SORCS1: variants seen among roughly 807,000 people sequenced by gnomAD.
SORCS1 encodes the protein sortilin related VPS10 domain containing receptor 1, also known as VPS10 domain-containing receptor SorCS1.
In SORCS1, 60 loss-of-function variants were observed where a neutral mutation model predicts 146.1. The ratio of observed to expected loss-of-function variants is 0.41; its 90% confidence interval spans 0.33 to 0.51. The LOEUF (loss-of-function observed/expected upper bound fraction) is 0.51, where lower values mean the gene tolerates loss of function less well. SORCS1 is among the 20% of genes least tolerant of loss of function. SORCS1 has a pLI of 0.21. For missense variants in SORCS1, 1,352 were observed against 1,487.6 expected (o/e 0.91, Z 1.50); for synonymous variants, 637 against 584.0 (o/e 1.09, Z -1.31).
At chr10:107,123,990 G>A (rs1351744553) in intron 1 of SORCS1, among the ~76,000 whole-genome samples, 2 of 151,838 alleles carry the variant, frequency 1.3e-5, no homozygotes, top group African/African-American at 2.4e-5. Context: ...GGGAGGCTGA[G>A]GCAGGAGAAT....
intron 2 of SORCS1, among the ~76,000 whole-genome samples, chr10:106,849,842 G>A (rs1949471036): frequency 6.6e-6 from 1 of 151,960 alleles, no homozygotes; most frequent in African/African-American, 2.4e-5. Flanking sequence ...AGAATACCCT[G>A]CCCTGTGAGG....
intron 3 of SORCS1, among the ~76,000 whole-genome samples, chr10:106,777,705 T>C (rs17121492): frequency 0.047 from 7,158 of 152,258 alleles, 271 homozygotes; most frequent in East Asian, 0.11. Flanking sequence ...AGGAGCTGCC[T>C]TCGAAACTGC....
At chr10:106,955,763 G>A (rs551085807) in intron 2 of SORCS1, among the ~76,000 whole-genome samples, 60 of 152,056 alleles carry the variant, frequency 3.9e-4, no homozygotes, top group Admixed American at 2.1e-3. Context: ...GAGGCCAGCC[G>A]GCAGATCACC....
chr10:106,797,651 G>C (rs531665530), intron 3 of SORCS1, among the ~76,000 whole-genome samples: 3 of 152,188 alleles, frequency 2.0e-5, no homozygotes, highest in East Asian at 3.9e-4. Flanking sequence ...CACGCTTGGG[G>C]TAAAACATCA....
intron 3 of SORCS1, among the ~76,000 whole-genome samples, chr10:106,802,545 C>A (rs1946957082): frequency 6.6e-6 from 1 of 151,062 alleles, no homozygotes; most frequent in Admixed American, 6.6e-5. Flanking sequence ...TTTGCCCAGG[C>A]TGGAGTACAG....
At chr10:106,985,702 A>C (rs937292492) in intron 1 of SORCS1, among the ~76,000 whole-genome samples, 1 of 151,776 alleles carries the variant, frequency 6.6e-6, no homozygotes, top group Non-Finnish European at 1.5e-5. Flanking sequence ...ACACCCAGCC[A>C]ATTTTTGTAT....
At chr10:107,062,408 G>T (rs1449371154) in intron 1 of SORCS1, among the ~76,000 whole-genome samples, 18 of 151,798 alleles carry the variant, frequency 1.2e-4, no homozygotes, top group Non-Finnish European at 1.5e-5. Flanking sequence ...GCACATTTAG[G>T]TTATAATTAC....
chr10:106,699,301 G>A lies in SORCS1; in HGVS notation c.1326C>T (p.Asp442=). 3.1e-6 allele frequency: 5 copies of A among 1,614,076 alleles called. No individual in the cohort carries two copies. Among genetic ancestry groups the A allele is most frequent in the Non-Finnish European group, 4.2e-6 (5 of 1,179,930 alleles). Residue 442 remains aspartate, a synonymous_variant, in exon 9 of 26, where the codon GAC becomes GAT. Transcript: ENST00000263054. ...CCAGGGTGAAGTAGACACCACGTGT[G>A]TCTGAGATGTAGAGGTTGTACGTGT... is the stretch of plus-strand genomic sequence containing the variant. ...QNDTYNLYIS[D]TRGVYFTLAL...
intron 3 of SORCS1, among the ~76,000 whole-genome samples, chr10:106,819,112 C>T (rs956423800): frequency 1.3e-5 from 2 of 152,172 alleles, no homozygotes; most frequent in Non-Finnish European, 2.9e-5. Context: ...TAATTTGGAA[C>T]AGTTAAGAAG....
At chr10:106,726,105 C>T (rs1001825220) in intron 6 of SORCS1, among the ~76,000 whole-genome samples, 3 of 151,144 alleles carry the variant, frequency 2.0e-5, no homozygotes, top group Non-Finnish European at 4.4e-5. Flanking sequence ...TACTTCCAAC[C>T]TCCTCCTCTC....
chr10:107,039,120 G>T (rs1589992656), intron 1 of SORCS1, among the ~76,000 whole-genome samples: 2 of 151,974 alleles, frequency 1.3e-5, no homozygotes, highest in South Asian at 4.2e-4. Flanking sequence ...ACAAGGTCAG[G>T]AGATCGAGAC....
intron 18 of SORCS1, among the ~76,000 whole-genome samples, chr10:106,650,381 T>C (rs964026273): frequency 6.6e-6 from 1 of 152,188 alleles, no homozygotes; most frequent in Non-Finnish European, 1.5e-5. Flanking sequence ...ACCAGGGCCC[T>C]CCTCCTTGAT....
intron 1 of SORCS1, among the ~76,000 whole-genome samples, chr10:107,109,066 G>A (rs2134440281): frequency 6.6e-6 from 1 of 152,310 alleles, no homozygotes; most frequent in African/African-American, 2.4e-5. Flanking sequence ...TGGCTTTGCA[G>A]GGTTCAGCCT....
intron 2 of SORCS1, among the ~76,000 whole-genome samples, chr10:106,834,015 G>C (rs941304015): frequency 6.6e-6 from 1 of 152,070 alleles, no homozygotes; most frequent in Non-Finnish European, 1.5e-5. Flanking sequence ...GGATGGTCTC[G>C]ATCTCCTGAC....
intron 2 of SORCS1, among the ~76,000 whole-genome samples, chr10:106,842,535 A>G (rs1169444493): frequency 2.0e-5 from 3 of 149,028 alleles, no homozygotes; most frequent in African/African-American, 7.4e-5. Context: ...TGTCTGGCCT[A>G]TTCTTTCATG....
intron 1 of SORCS1, among the ~76,000 whole-genome samples, chr10:107,035,267 A>C (rs1049820383): frequency 1.4e-5 from 2 of 144,618 alleles, no homozygotes; most frequent in Admixed American, 6.8e-5. Flanking sequence ...AGCTTCAAAA[A>C]AAAAAAAACA....
chr10:106,744,538 C>A (rs1857583098), intron 5 of SORCS1, among the ~76,000 whole-genome samples: 1 of 152,182 alleles, frequency 6.6e-6, no homozygotes, highest in Non-Finnish European at 1.5e-5. Flanking sequence ...CCCTTACCCA[C>A]AAAGTTTAAG....
chr10:106,805,349 G>C (rs1947110787), intron 3 of SORCS1, among the ~76,000 whole-genome samples: 1 of 152,112 alleles, frequency 6.6e-6, no homozygotes, highest in East Asian at 1.9e-4. Context: ...TGTGAGGCTT[G>C]GAATCTATTA....
intron 1 of SORCS1, among the ~76,000 whole-genome samples, chr10:107,142,359 C>T (rs1184365957): frequency 6.6e-6 from 1 of 152,188 alleles, no homozygotes; most frequent in Non-Finnish European, 1.5e-5. Flanking sequence ...GCTAAAACCA[C>T]AAGTGTTCTT....
Sources: allele counts gnomAD v4.1 joint callset (sites outside exome capture counted in the v4.1 genomes callset), GRCh38; gene constraint gnomAD v4.1.1; transcripts MANE v1.5; gene names NCBI Gene and HGNC (gene_info 2026-07-23, HGNC 2026-07-21).